Variants in NFIA observed in about 807,000 individuals in gnomAD.
The protein encoded by NFIA is nuclear factor 1 A-type.
In NFIA, 8 loss-of-function variants were observed where a neutral mutation model predicts 62.8. The ratio of observed to expected loss-of-function variants is 0.13; its 90% CI spans 0.07 to 0.23. The LOEUF is 0.23. Among genes scored for constraint, NFIA ranks in the 10% least tolerant of loss-of-function variants. NFIA has a pLI of 1.00. For synonymous variants in NFIA, 235 were observed against 238.1 expected, an observed-to-expected ratio of 0.99 and a Z score of 0.12; for missense variants, 410 against 642.1, an observed-to-expected ratio of 0.64 and a Z score of 3.91.
At chr1:61,189,181 G>A (rs1237988438) in intron 2 of NFIA, among the ~76,000 whole-genome samples, 1 of 152,158 alleles carries the variant, frequency 6.6e-6, no homozygotes, top group Non-Finnish European at 1.5e-5. Flanking sequence ...TCGTGGGCTG[G>A]CAAGGTATGG....
At chr1:61,082,013 G>T (rs1331560533), upstream of NFIA, 5 of 1,549,518 alleles carry the variant, frequency 3.2e-6, no homozygotes, top group Admixed American at 2.0e-5. Flanking sequence ...GGGGTGCGGG[G>T]CAACCTGGCA....
At chr1:61,350,287 T>G (rs1662478357) in intron 4 of NFIA, among the ~76,000 whole-genome samples, 1 of 152,172 alleles carries the variant, frequency 6.6e-6, no homozygotes. Flanking sequence ...TTTAATAGCT[T>G]ATAAACTTGG....
At chr1:61,234,042 G>A (rs1654833431) in intron 2 of NFIA, among the ~76,000 whole-genome samples, 1 of 152,136 alleles carries the variant, frequency 6.6e-6, no homozygotes, top group Non-Finnish European at 1.5e-5. Context: ...GTGAGAGAAT[G>A]GCTCTCCTTT....
At chr1:61,298,576 C>G (rs908158324) in intron 3 of NFIA, among the ~76,000 whole-genome samples, 5 of 152,090 alleles carry the variant, frequency 3.3e-5, no homozygotes, top group Non-Finnish European at 5.9e-5. Flanking sequence ...AAATCAGGAA[C>G]CCAGAAAACA....
chr1:61,334,074 C>T (rs2100395776), intron 4 of NFIA, among the ~76,000 whole-genome samples: 1 of 152,302 alleles, frequency 6.6e-6, no homozygotes, highest in South Asian at 2.1e-4. Context: ...AGTATCCGTA[C>T]TCTTAGACTG....
chr1:61,328,568 A>G (rs1056084407), intron 3 of NFIA, among the ~76,000 whole-genome samples: 4 of 151,002 alleles, frequency 2.6e-5, no homozygotes, highest in African/African-American at 9.7e-5. Flanking sequence ...ATTACAGGCA[A>G]GCGCCACCAT....
At chr1:61,125,378 A>G (rs748818741) in intron 2 of NFIA, among the ~76,000 whole-genome samples, 4 of 152,136 alleles carry the variant, frequency 2.6e-5, no homozygotes, top group Admixed American at 6.5e-5. Flanking sequence ...TGCCTTTTCC[A>G]TTTAGACCTT....
At chr1:61,351,565 G>T (rs76697740) in intron 4 of NFIA, among the ~76,000 whole-genome samples, 1,636 of 152,230 alleles carry the variant, frequency 0.011, 26 homozygotes, top group African/African-American at 0.037. Flanking sequence ...ATTTTACGGA[G>T]TTGTTTTATA....
chr1:61,409,366 AG>A (rs1665994642), intron 9 of NFIA, among the ~76,000 whole-genome samples: 2 of 152,204 alleles, frequency 1.3e-5, no homozygotes, highest in South Asian at 4.1e-4. Flanking sequence ...AGTAATATGT[AG>A]TTTCACAGCA....
At chr1:61,268,420 C>T (rs1040559006) in intron 2 of NFIA, among the ~76,000 whole-genome samples, 1 of 152,012 alleles carries the variant, frequency 6.6e-6, no homozygotes, top group African/African-American at 2.4e-5. Flanking sequence ...GCCCCCACCC[C>T]CCGACACCAA....
rs1001951611 is a variant in NFIA at position 61,088,708 on chromosome 1, A to G, written c.559+28A>G. The G allele has an allele frequency of 3.2e-6, 5 of 1,585,742 alleles. No homozygotes were observed. The highest frequency in any genetic ancestry group is 3.5e-5 in the Admixed American group (2 of 57,386). On this transcript the variant is annotated intron_variant, in intron 2 of 10. Coordinates refer to ENST00000403491, the MANE Select transcript of NFIA (RefSeq NM_001134673.4). This position sits in a 1 kb window ranked among gnomAD's most constrained non-coding sequence, Gnocchi z 4.5. Reference sequence around the variant, plus strand: ...AAGTGCGATGGTGAGAATTCCTCCCACTTTCTTGTGTGTGTTTCTTTCCTG... The same window carrying G: ...AAGTGCGATGGTGAGAATTCCTCCCGCTTTCTTGTGTGTGTTTCTTTCCTG...
intron 10 of NFIA, among the ~76,000 whole-genome samples, chr1:61,445,014 C>T (rs138972466): frequency 7.9e-5 from 12 of 152,240 alleles, no homozygotes; most frequent in African/African-American, 2.9e-4. Context: ...GGAATTTATC[C>T]GAAAACAAAG....
At chr1:61,341,124 C>T (rs1042562775) in intron 4 of NFIA, among the ~76,000 whole-genome samples, 1 of 135,538 alleles carries the variant, frequency 7.4e-6, no homozygotes, top group Admixed American at 8.5e-5. Flanking sequence ...AGTGCAGTGG[C>T]GTGATCTCGG....
chr1:61,128,675 A>T (rs1436964768), intron 2 of NFIA, among the ~76,000 whole-genome samples: 2 of 152,118 alleles, frequency 1.3e-5, no homozygotes, highest in Non-Finnish European at 2.9e-5. Flanking sequence ...CATAACCCCG[A>T]TCACATGTTG....
intron 2 of NFIA, among the ~76,000 whole-genome samples, chr1:61,146,202 C>G (rs1222897869): frequency 1.3e-5 from 2 of 152,188 alleles, no homozygotes; most frequent in Admixed American, 6.5e-5. Flanking sequence ...ACTTAAGGAG[C>G]CTTCCAGTTG....
intron 7 of NFIA, among the ~76,000 whole-genome samples, chr1:61,385,030 A>G (rs1195081041): frequency 6.6e-6 from 1 of 152,074 alleles, no homozygotes; most frequent in African/African-American, 2.4e-5. Flanking sequence ...TCAGGAATTC[A>G]AGATCAGCCT....
chr1:61,452,667 G>GA (rs927144400), intron 10 of NFIA, among the ~76,000 whole-genome samples: 3 of 151,880 alleles, frequency 2.0e-5, no homozygotes, highest in African/African-American at 7.2e-5. Context: ...TCATCTCAAG[G>GA]AAAAAAAAGT....
chr1:61,196,443 T>C (rs140181107), intron 2 of NFIA, among the ~76,000 whole-genome samples: 100 of 152,304 alleles, frequency 6.6e-4, no homozygotes, highest in African/African-American at 2.4e-3. Context: ...ATTGATAATA[T>C]ATTTTCTTTT....
At position 61,397,781 on chromosome 1, in the gene NFIA, CTTATA is replaced by C. The variant is rs201748031; in HGVS notation, c.1076-6317_1076-6313del. ...TCTATCTGACTCCAAAGCCCTGGTCCTTATATTATACTGCACTGCTTTTCTGAGTC... is the reference window on the plus strand; with the variant it reads ...TCTATCTGACTCCAAAGCCCTGGTCCTTATACTGCACTGCTTTTCTGAGTC... On this transcript the variant is annotated intron_variant, in intron 7 of 10. Coordinates refer to ENST00000403491, the MANE Select transcript of NFIA (RefSeq NM_001134673.4). Among the ~76,000 whole-genome samples, 13 of 152,276 alleles carry C rather than the reference CTTATA, an allele frequency of 8.5e-5. No individual in the cohort carries two copies. In the East Asian group the frequency reaches 2.3e-3, roughly 27 times the overall value.
Sources: gnomAD v4.1 joint callset for allele counts (sites outside exome capture counted in the v4.1 genomes callset) on GRCh38, gnomAD v4.1.1 for gene constraint, Gnocchi (gnomAD v3.1) non-coding constraint, MANE v1.5 for transcripts, NCBI Gene and HGNC (gene_info 2026-07-23, HGNC 2026-07-21) for gene names.